AP2B1: variants seen among roughly 807,000 people sequenced by gnomAD.
AP2B1 encodes AP-2 complex subunit beta.
In AP2B1, 23 loss-of-function variants were observed where a neutral mutation model predicts 102.0. That is an observed-to-expected ratio of 0.23 (90% CI 0.16 to 0.32). The LOEUF (loss-of-function observed/expected upper bound fraction) is 0.32. Ranked by LOEUF, AP2B1 falls within the 10% of genes least tolerant of loss-of-function variation. The probability of loss-of-function intolerance (pLI) is 1.00; values close to 1 mark genes in which losing one functional copy is unlikely to be tolerated. For synonymous variants in AP2B1, 381 were observed against 421.2 expected, an observed-to-expected ratio of 0.90 and a Z score of 1.17; for missense variants, 541 against 1,157.4, an observed-to-expected ratio of 0.47 and a Z score of 7.73.
In AP2B1 at chr17:35,682,732, A is replaced by G. The variant is rs2075850950; in HGVS notation, c.2362A>G (p.Thr788Ala). Residue 788 changes from threonine (T) to alanine (A), a missense_variant, in exon 18 of 22, where the codon ACA (threonine) becomes GCA (alanine). Thr to Ala is a moderately conservative substitution (Grantham distance 58). This residue lies in a region of AP2B1 where 117 missense variants were observed against 206.7 expected (regional missense o/e 0.57). Transcript: ENST00000610402. ...CCCCAGCACTCCTCTGGCCATCCATACACCACTGATGCCAAACCAGAGCAT... is the reference window on the plus strand; with the variant it reads ...CCCCAGCACTCCTCTGGCCATCCATGCACCACTGATGCCAAACCAGAGCAT... ...VIPSTPLAIHTPLMPNQSIDV... is the reference protein window; with the variant it reads ...VIPSTPLAIHAPLMPNQSIDV... 6.2e-7 allele frequency: 1 copy of G among 1,612,656 alleles called. No homozygotes were observed.
intron 18 of AP2B1, among the ~76,000 whole-genome samples, chr17:35,703,761 C>T (rs1016476825): frequency 6.6e-6 from 1 of 152,130 alleles, no homozygotes; most frequent in Non-Finnish European, 1.5e-5. Flanking sequence ...ATAAAATAAG[C>T]TGTACAGCAA....
chr17:35,672,811 C>A (rs2075616596), intron 16 of AP2B1, among the ~76,000 whole-genome samples: 1 of 152,114 alleles, frequency 6.6e-6, no homozygotes, highest in Non-Finnish European at 1.5e-5. Flanking sequence ...AAATGACCAA[C>A]GTAAATAATG....
At chr17:35,616,137 T>A (rs1184094277) in intron 5 of AP2B1, among the ~76,000 whole-genome samples, 1 of 137,686 alleles carries the variant, frequency 7.3e-6, no homozygotes, top group East Asian at 2.1e-4. Flanking sequence ...TTTTAAAAAA[T>A]ATCTCTTTTT....
intron 14 of AP2B1, among the ~76,000 whole-genome samples, chr17:35,668,827 G>A (rs1309984284): frequency 6.6e-6 from 1 of 152,102 alleles, no homozygotes; most frequent in Admixed American, 6.5e-5. Context: ...GCCAGAGGGA[G>A]GTTCTTCCCT....
chr17:35,657,562 TTTCTC>T (rs1339751857), intron 13 of AP2B1, 32 bp from the exon 14 acceptor site: 2 of 1,572,814 alleles, frequency 1.3e-6, no homozygotes, highest in African/African-American at 1.3e-5. Context: ...GAAACTGACT[TTTCTC>T]TTTTCTCCAT....
Position 35,710,173 on chromosome 17 carries a change from C to T in AP2B1, c.2540-61C>T. ...CCAAAGGAAAAATGATGCAAGGCAT[C>T]GAAAATCAGAATACTGACAGCTTAT... On this transcript the variant is annotated intron_variant, in intron 19 of 21. Transcript: ENST00000610402. 4.0e-6 allele frequency: 5 copies of T among 1,246,588 alleles called. No homozygotes were observed. The South Asian group carries it at 4.9e-5, about 12-fold the overall frequency. The allele number at this position is 1,246,588 out of a possible 1,614,324, so 77.2% of individuals were successfully genotyped here.
At chr17:35,616,955 T>C (rs958083000) in intron 5 of AP2B1, among the ~76,000 whole-genome samples, 3 of 152,222 alleles carry the variant, frequency 2.0e-5, no homozygotes, top group African/African-American at 7.2e-5. Flanking sequence ...AAATAGTGCT[T>C]CTATCGTAGG....
intron 9 of AP2B1, among the ~76,000 whole-genome samples, chr17:35,635,558 A>G (rs2074584063): frequency 6.6e-6 from 1 of 151,624 alleles, no homozygotes; most frequent in Non-Finnish European, 1.5e-5. Context: ...TAATTTGTGT[A>G]TTTTTAGTAG....
intron 1 of AP2B1, 33 bp from the exon 2 acceptor site, chr17:35,593,975 C>G: frequency 1.2e-5 from 16 of 1,281,328 alleles, no homozygotes; most frequent in Non-Finnish European, 1.6e-5. Context: ...ATATCTATAA[C>G]CTGAATGAAG....
At chr17:35,616,239 A>G (rs1393408974) in intron 5 of AP2B1, among the ~76,000 whole-genome samples, 1 of 120,824 alleles carries the variant, frequency 8.3e-6, no homozygotes, top group Non-Finnish European at 1.6e-5. Context: ...ATCTCGGCTC[A>G]CTGCAAGCTC....
rs550474114 is a variant in AP2B1 at position 35,594,594 on chromosome 17, A to AAAAAGC, written c.37+530_37+535dup. Reference sequence around the variant, plus strand: ...ATTTAAAATTTTTTTATCTTTAATGAAAAAGCAATCTTGCAAAACAATGAA... The same window carrying AAAAAGC: ...ATTTAAAATTTTTTTATCTTTAATGAAAAAGCAAAAGCAATCTTGCAAAACAATGAA... On this transcript the variant is annotated intron_variant, in intron 2 of 21. Transcript: ENST00000610402. Among the ~76,000 whole-genome samples the AAAAAGC allele has an allele frequency of 6.3e-4, 96 of 152,342 alleles. No homozygotes were observed. In the East Asian group the frequency reaches 0.017, roughly 27 times the overall value.
At chr17:35,609,042 T>C (rs1048386686) in intron 5 of AP2B1, among the ~76,000 whole-genome samples, 1 of 152,250 alleles carries the variant, frequency 6.6e-6, no homozygotes, top group Non-Finnish European at 1.5e-5. Flanking sequence ...TAAATATTGT[T>C]GCCAGGAAGA....
At position 35,717,521 on chromosome 17, in the gene AP2B1, G is replaced by A. The variant is rs186662694; in HGVS notation, c.2781+172G>A. 3.7e-3 allele frequency among the ~76,000 whole-genome samples: 559 copies of A among 152,310 alleles called. 2 individuals are homozygous for A. Among genetic ancestry groups the A allele is most frequent in the Non-Finnish European group, 4.9e-3 (331 of 68,032 alleles). ...TGCCTCAATGGAAGACCTCCTCTCTGCAGTGTCTGCCCCATCCAACAGGAA... is the reference window on the plus strand; with the variant it reads ...TGCCTCAATGGAAGACCTCCTCTCTACAGTGTCTGCCCCATCCAACAGGAA... On this transcript the variant is annotated intron_variant, in intron 21 of 21. Coordinates refer to ENST00000610402, the MANE Select transcript of AP2B1 (RefSeq NM_001030006.2).
intron 21 of AP2B1, among the ~76,000 whole-genome samples, chr17:35,720,727 G>A (rs1289452474): frequency 5.2e-5 from 7 of 135,004 alleles, no homozygotes; most frequent in African/African-American, 1.6e-4. Flanking sequence ...TGGCCCACCC[G>A]CCCCCTGCCC....
At chr17:35,600,271 C>T (rs941223709) in intron 3 of AP2B1, among the ~76,000 whole-genome samples, 4 of 151,844 alleles carry the variant, frequency 2.6e-5, no homozygotes, top group Admixed American at 6.6e-5. Context: ...TTAGTAGAGA[C>T]GGGGTTTCAC....
chr17:35,705,326 A>G (rs1320538909), intron 18 of AP2B1, among the ~76,000 whole-genome samples: 1 of 152,218 alleles, frequency 6.6e-6, no homozygotes, highest in African/African-American at 2.4e-5. Flanking sequence ...CAATTTACCA[A>G]GGCAGTAGCA....
At chr17:35,639,824 G>A (rs2074715312) in intron 11 of AP2B1, 64 bp downstream of exon 11, 4 of 1,486,376 alleles carry the variant, frequency 2.7e-6, no homozygotes, top group East Asian at 2.3e-5. Flanking sequence ...TTCAGAGAAA[G>A]CAAAGGTTAT....
At chr17:35,665,800 T>C (rs2075452281) in intron 14 of AP2B1, among the ~76,000 whole-genome samples, 2 of 152,186 alleles carry the variant, frequency 1.3e-5, no homozygotes, top group Non-Finnish European at 2.9e-5. Context: ...GTTAAGAGAA[T>C]GTCTTCAGAT....
chr17:35,588,976 T>C (rs2142261873), intron 1 of AP2B1, among the ~76,000 whole-genome samples: 1 of 152,342 alleles, frequency 6.6e-6, no homozygotes, highest in East Asian at 1.9e-4. Context: ...AAGGAATATA[T>C]TAAATAGGGC....
Sources: allele counts gnomAD v4.1 joint callset (sites outside exome capture counted in the v4.1 genomes callset), GRCh38; gene constraint gnomAD v4.1.1; regional missense constraint gnomAD v4.1.1; transcripts MANE v1.5; gene names NCBI Gene and HGNC (gene_info 2026-07-23, HGNC 2026-07-21).